Variants in EPHA3 observed in about 807,000 individuals in gnomAD.
The protein encoded by EPHA3 is ephrin type-A receptor 3.
EPHA3 carries 42 observed loss-of-function variants against 107.1 expected under a neutral mutation model. That is an observed-to-expected ratio of 0.39 (90% confidence interval 0.31 to 0.51). The LOEUF (loss-of-function observed/expected upper bound fraction) is 0.51. EPHA3 is among the 20% of genes least tolerant of loss of function. The probability of loss-of-function intolerance (pLI) is 0.78; values close to 1 mark genes in which losing one functional copy is unlikely to be tolerated. For synonymous variants in EPHA3, 461 were observed against 424.8 expected (o/e 1.09, Z -1.05); for missense variants, 1,183 against 1,211.2 (o/e 0.98, Z 0.35).
intron 14 of EPHA3, 90 bp from the exon 15 acceptor site, chr3:89,450,087 G>A (rs1709955791): frequency 2.9e-6 from 3 of 1,042,270 alleles, no homozygotes; most frequent in Non-Finnish European, 4.0e-6. Context: ...TTTAAAATAA[G>A]CATATTTGTG....
intron 13 of EPHA3, among the ~76,000 whole-genome samples, chr3:89,436,248 C>A (rs1410138904): frequency 6.6e-6 from 1 of 152,122 alleles, no homozygotes; most frequent in Non-Finnish European, 1.5e-5. Context: ...AGACATCTGT[C>A]TTGTTTATTT....
chr3:89,474,502 C>T (rs1187327526), intron 16 of EPHA3, among the ~76,000 whole-genome samples: 1 of 152,166 alleles, frequency 6.6e-6, no homozygotes, highest in Non-Finnish European at 1.5e-5. Flanking sequence ...CTGTAGAGCA[C>T]AGAAGCATAG....
At chr3:89,412,502 A>T (rs1387937309) in intron 9 of EPHA3, among the ~76,000 whole-genome samples, 1 of 151,580 alleles carries the variant, frequency 6.6e-6, no homozygotes, top group Non-Finnish European at 1.5e-5. Flanking sequence ...ATTGGTGTGT[A>T]TACATGTATG....
chr3:89,213,377 C>A (rs917246266), intron 3 of EPHA3, among the ~76,000 whole-genome samples: 4 of 152,000 alleles, frequency 2.6e-5, no homozygotes, highest in African/African-American at 9.7e-5. Context: ...TACCAACTAT[C>A]CATTCTTAGA....
intron 3 of EPHA3, among the ~76,000 whole-genome samples, chr3:89,255,231 A>G (rs2107269786): frequency 6.6e-6 from 1 of 152,346 alleles, no homozygotes; most frequent in East Asian, 1.9e-4. Flanking sequence ...ATTTTATTAC[A>G]CGTATGACCA....
chr3:89,254,719 A>T (rs1178572123), intron 3 of EPHA3, among the ~76,000 whole-genome samples: 1 of 152,220 alleles, frequency 6.6e-6, no homozygotes, highest in Non-Finnish European at 1.5e-5. Flanking sequence ...TGACCAACAC[A>T]TTGATAGCAT....
At chr3:89,291,706 A>T (rs1037739947) in intron 3 of EPHA3, among the ~76,000 whole-genome samples, 4 of 152,106 alleles carry the variant, frequency 2.6e-5, no homozygotes, top group Admixed American at 2.6e-4. Flanking sequence ...ATGTTGCATG[A>T]GATTGTGTGT....
chr3:89,154,883 A>T (rs867284104), intron 2 of EPHA3, among the ~76,000 whole-genome samples: 7 of 147,942 alleles, frequency 4.7e-5, no homozygotes, highest in South Asian at 4.2e-4. Flanking sequence ...TATATATATA[A>T]AATATATATT....
chr3:89,255,408 C>T (rs1705260178), intron 3 of EPHA3, among the ~76,000 whole-genome samples: 1 of 152,206 alleles, frequency 6.6e-6, no homozygotes, highest in Admixed American at 6.5e-5. Flanking sequence ...GCCTAGCAGG[C>T]CAAATTCTGC....
chr3:89,354,139 A>G (rs1707894062), intron 5 of EPHA3, among the ~76,000 whole-genome samples: 2 of 151,332 alleles, frequency 1.3e-5, no homozygotes, highest in Non-Finnish European at 3.0e-5. Context: ...TTATTTTCCA[A>G]GGAGAACATT....
intron 3 of EPHA3, among the ~76,000 whole-genome samples, chr3:89,219,705 T>TG (rs1704316818): frequency 4.3e-5 from 1 of 23,310 alleles, no homozygotes; most frequent in African/African-American, 1.2e-4. Flanking sequence ...TTTTTTTTGT[T>TG]TTTTGTTTTT....
At chr3:89,343,857 C>T (rs2107424647) in intron 5 of EPHA3, among the ~76,000 whole-genome samples, 1 of 152,236 alleles carries the variant, frequency 6.6e-6, no homozygotes, top group South Asian at 2.1e-4. Flanking sequence ...ATATGCTTTG[C>T]TTTGCTTCCG....
At chr3:89,357,864 A>G (rs1708000836) in intron 5 of EPHA3, among the ~76,000 whole-genome samples, 1 of 151,222 alleles carries the variant, frequency 6.6e-6, no homozygotes, top group South Asian at 2.1e-4. Flanking sequence ...AGTTTGAAAA[A>G]AATCCCATCC....
chr3:89,240,342 T>A (rs960130130), intron 3 of EPHA3, among the ~76,000 whole-genome samples: 3 of 152,156 alleles, frequency 2.0e-5, no homozygotes, highest in African/African-American at 7.2e-5. Context: ...ATTAATGCAA[T>A]TAAGACTAGT....
intron 2 of EPHA3, among the ~76,000 whole-genome samples, chr3:89,185,307 C>G (rs78101615): frequency 0.019 from 2,932 of 152,080 alleles, 85 homozygotes; most frequent in African/African-American, 0.067. Context: ...GGTGACTTTG[C>G]TGTCCCCTAC....
intron 3 of EPHA3, among the ~76,000 whole-genome samples, chr3:89,229,547 A>G (rs1704578661): frequency 6.6e-6 from 1 of 151,058 alleles, no homozygotes; most frequent in South Asian, 2.1e-4. Context: ...AAAAATATAT[A>G]TATTTAATTA....
At chr3:89,351,927 A>G (rs1247644306) in intron 5 of EPHA3, among the ~76,000 whole-genome samples, 1 of 142,790 alleles carries the variant, frequency 7.0e-6, no homozygotes, top group South Asian at 2.2e-4. Context: ...GGCAGATGCA[A>G]AAAAAAAAAA....
chr3:89,324,515 TA>T (rs1356941597), intron 3 of EPHA3, among the ~76,000 whole-genome samples: 1 of 151,800 alleles, frequency 6.6e-6, no homozygotes, highest in African/African-American at 2.4e-5. Flanking sequence ...TTTTATTTTT[TA>T]TTTTTTTTAA....
At chr3:89,318,307 T>C (rs1706958396) in intron 3 of EPHA3, among the ~76,000 whole-genome samples, 1 of 151,914 alleles carries the variant, frequency 6.6e-6, no homozygotes, top group Non-Finnish European at 1.5e-5. Flanking sequence ...AGACAAAATG[T>C]CAAGGTATAA....
Sources: allele counts gnomAD v4.1 joint callset (sites outside exome capture counted in the v4.1 genomes callset), GRCh38; gene constraint gnomAD v4.1.1; transcripts MANE v1.5; gene names NCBI Gene and HGNC (gene_info 2026-07-23, HGNC 2026-07-21).